Variants in SGCZ observed in about 807,000 individuals in gnomAD.
SGCZ encodes zeta-sarcoglycan.
In SGCZ, 40 loss-of-function variants were observed where a neutral mutation model predicts 41.3. The ratio of observed to expected loss-of-function variants is 0.97; its 90% CI spans 0.75 to 1.26. The LOEUF is 1.26. Ranked by LOEUF, SGCZ falls within the 50% of genes most tolerant of loss-of-function variation. SGCZ has a pLI of 0.00. For synonymous variants in SGCZ, 206 were observed against 137.5 expected (o/e 1.50, Z -3.49); for missense variants, 552 against 369.8 (o/e 1.49, Z -4.04).
chr8:14,137,990 A>T (rs1304755317), intron 5 of SGCZ, among the ~76,000 whole-genome samples: 2 of 152,206 alleles, frequency 1.3e-5, no homozygotes, highest in Non-Finnish European at 2.9e-5. Context: ...TCTCAGCAGA[A>T]ATTCTACAAG....
chr8:15,187,371 T>C (rs1364258634), intron 1 of SGCZ, among the ~76,000 whole-genome samples: 1 of 152,132 alleles, frequency 6.6e-6, no homozygotes, highest in Non-Finnish European at 1.5e-5. Flanking sequence ...AGAATACATG[T>C]GCATGTAATG....
chr8:14,282,847 CTTTTTT>C (rs1168778028), intron 3 of SGCZ, among the ~76,000 whole-genome samples: 2 of 89,926 alleles, frequency 2.2e-5, no homozygotes, highest in African/African-American at 9.1e-5. Context: ...CTTTCAAATA[CTTTTTT>C]TTTTTTTTTT....
chr8:14,294,951 C>G (rs1342282079), intron 3 of SGCZ, among the ~76,000 whole-genome samples: 1 of 152,056 alleles, frequency 6.6e-6, no homozygotes, highest in Non-Finnish European at 1.5e-5. Flanking sequence ...AACAAGGATT[C>G]TCATACATTT....
chr8:14,753,923 C>G (rs556157262), intron 1 of SGCZ, among the ~76,000 whole-genome samples: 1 of 152,292 alleles, frequency 6.6e-6, no homozygotes, highest in African/African-American at 2.4e-5. Context: ...CTGCCTTTGC[C>G]TACAAACGTA....
chr8:14,350,706 C>T (rs1803060239), intron 2 of SGCZ, among the ~76,000 whole-genome samples: 1 of 152,104 alleles, frequency 6.6e-6, no homozygotes, highest in Non-Finnish European at 1.5e-5. Context: ...GCCTCTCCCT[C>T]TGTCCAATGC....
At chr8:15,057,459 A>G (rs2131004306) in intron 1 of SGCZ, among the ~76,000 whole-genome samples, 1 of 152,326 alleles carries the variant, frequency 6.6e-6, no homozygotes, top group African/African-American at 2.4e-5. Flanking sequence ...AGGTTCCCCC[A>G]TAGCAAGTAG....
At chr8:14,623,163 C>T (rs13269454) in intron 1 of SGCZ, among the ~76,000 whole-genome samples, 38,977 of 152,036 alleles carry the variant, frequency 0.26, 5,114 homozygotes, top group Non-Finnish European at 0.28. Flanking sequence ...AGCACATATA[C>T]ATCGGAAGGC....
At chr8:15,176,625 G>C (rs1800007872) in intron 1 of SGCZ, among the ~76,000 whole-genome samples, 1 of 152,132 alleles carries the variant, frequency 6.6e-6, no homozygotes, top group African/African-American at 2.4e-5. Flanking sequence ...TCCAATAATT[G>C]AAAATATATA....
chr8:14,656,969 A>G (rs1263060591), intron 1 of SGCZ, among the ~76,000 whole-genome samples: 1 of 152,004 alleles, frequency 6.6e-6, no homozygotes, highest in Non-Finnish European at 1.5e-5. Context: ...GAAGACATAT[A>G]AACTCTATTA....
At chr8:14,757,259 G>A (rs1318446810) in intron 1 of SGCZ, among the ~76,000 whole-genome samples, 2 of 152,262 alleles carry the variant, frequency 1.3e-5, no homozygotes, top group East Asian at 1.9e-4. Flanking sequence ...ATGTTGGCCA[G>A]GCTGGACTCG....
At chr8:14,537,650 C>A (rs76381918) in intron 2 of SGCZ, among the ~76,000 whole-genome samples, 1 of 151,206 alleles carries the variant, frequency 6.6e-6, no homozygotes, top group Non-Finnish European at 1.5e-5. Flanking sequence ...TAATACTGTT[C>A]TCTATCTCTC....
rs576620524 is a variant in SGCZ, at chr8:14,097,345, G to A, written c.744+5031C>T. Among the ~76,000 whole-genome samples the A allele has an allele frequency of 7.2e-5, 11 of 152,108 alleles. No individual in the cohort carries two copies. The South Asian group carries it at 1.9e-3, about 26-fold the overall frequency. ...ACATCTTTCTTTCTGCCTTCACTTC[G>A]TGATTTACCCAGTAGTCATTCAGGA... On this transcript the variant is annotated intron_variant, in intron 7 of 7. Coordinates refer to ENST00000382080, the MANE Select transcript of SGCZ (RefSeq NM_139167.4).
At chr8:15,237,563 G>A (rs1802177016) in intron 1 of SGCZ, 22 bp downstream of exon 1, 3 of 1,585,338 alleles carry the variant, frequency 1.9e-6, no homozygotes, top group Non-Finnish European at 2.6e-6. Flanking sequence ...CGGCCGCGAA[G>A]CCCGCCCGGA....
intron 3 of SGCZ, among the ~76,000 whole-genome samples, chr8:14,293,605 C>G (rs979486963): frequency 6.6e-6 from 1 of 151,806 alleles, no homozygotes; most frequent in Non-Finnish European, 1.5e-5. Flanking sequence ...AAAATGTAAG[C>G]TCAAAAATTC....
intron 2 of SGCZ, among the ~76,000 whole-genome samples, chr8:14,424,120 T>C (rs1355902357): frequency 1.3e-5 from 2 of 152,060 alleles, no homozygotes; most frequent in Admixed American, 1.3e-4. Context: ...CAGGGGGAAA[T>C]TTTTAAAGTC....
chr8:14,496,668 T>C (rs1244470815), intron 2 of SGCZ, among the ~76,000 whole-genome samples: 2 of 152,216 alleles, frequency 1.3e-5, no homozygotes, highest in Non-Finnish European at 2.9e-5. Flanking sequence ...TTATCATTAT[T>C]GTTTCCTAGA....
chr8:14,494,066 T>C (rs1249619077), intron 2 of SGCZ, among the ~76,000 whole-genome samples: 2 of 152,154 alleles, frequency 1.3e-5, no homozygotes, highest in Non-Finnish European at 2.9e-5. Context: ...AGGGTTAAAA[T>C]ATTTGTTCGC....
intron 5 of SGCZ, among the ~76,000 whole-genome samples, chr8:14,108,939 T>C (rs1802291607): frequency 6.6e-6 from 1 of 152,200 alleles, no homozygotes; most frequent in East Asian, 1.9e-4. Flanking sequence ...AATACTCAAT[T>C]CTGTGTTTCT....
intron 1 of SGCZ, among the ~76,000 whole-genome samples, chr8:15,078,147 CTTTTTTTTTTTT>C (rs34411963): frequency 3.1e-4 from 14 of 44,798 alleles, no homozygotes; most frequent in East Asian, 9.8e-4. Context: ...AGGAACTCTT[CTTTTTTTTTTTT>C]TTTTTTTTTT....
Sources: allele counts gnomAD v4.1 joint callset (sites outside exome capture counted in the v4.1 genomes callset), GRCh38; gene constraint gnomAD v4.1.1; transcripts MANE v1.5; gene names NCBI Gene and HGNC (gene_info 2026-07-23, HGNC 2026-07-21).